The following PTK7 variants were observed in gnomAD, a reference collection of about 807,000 sequenced individuals.
The protein encoded by PTK7 is inactive tyrosine-protein kinase 7.
Under a neutral mutation model 116.6 loss-of-function variants are expected in PTK7, and 39 were observed. The observed-to-expected ratio is 0.33, with a 90% CI of 0.26 to 0.44. PTK7 has a LOEUF of 0.44. Among genes scored for constraint, PTK7 ranks in the 20% least tolerant of loss-of-function variants. The pLI, the probability that PTK7 is intolerant of heterozygous loss-of-function variation, is 1.00. For synonymous variants in PTK7, 546 were observed against 563.6 expected (o/e 0.97, Z 0.44); for missense variants, 1,169 against 1,425.6 (o/e 0.82, Z 2.90).
rs902167535 is a variant in PTK7 at position 43,139,813 on chromosome 6, A to T, written c.1618+288A>T. Reference sequence around the variant, plus strand: ...TTTTCCAAAATAGTTTATCTTTTCCAACATAAAAATTACATGGAGGCCGTG... The same window carrying T: ...TTTTCCAAAATAGTTTATCTTTTCCTACATAAAAATTACATGGAGGCCGTG... On this transcript the variant is annotated intron_variant, in intron 10 of 19. Coordinates refer to ENST00000230419, the MANE Select transcript of PTK7 (RefSeq NM_002821.5). This position sits in a 1 kb window ranked among gnomAD's most constrained non-coding sequence, Gnocchi z 4.6. Among the ~76,000 whole-genome samples the T allele has an allele frequency of 5.9e-5, 9 of 152,226 alleles. No homozygotes were observed. Among genetic ancestry groups the T allele is most frequent in the Admixed American group, 4.6e-4 (7 of 15,282 alleles).
chr6:43,077,435 C>G (rs919126892), intron 1 of PTK7, among the ~76,000 whole-genome samples: 4 of 151,922 alleles, frequency 2.6e-5, no homozygotes, highest in East Asian at 1.9e-4. Context: ...TGGGGGGGGG[C>G]CTTAGCATTT....
At chr6:43,151,248 T>C (rs1289689986) in intron 17 of PTK7, among the ~76,000 whole-genome samples, 1 of 150,480 alleles carries the variant, frequency 6.6e-6, no homozygotes, top group Non-Finnish European at 1.5e-5. Flanking sequence ...TCTCGCTCTG[T>C]CGCCCAAGCT....
chr6:43,124,780 C>T (rs892797658), intron 1 of PTK7, among the ~76,000 whole-genome samples: 44 of 152,346 alleles, frequency 2.9e-4, no homozygotes, highest in African/African-American at 1.0e-3. Flanking sequence ...AACATGGGTG[C>T]CGCAGCACTG....
chr6:43,147,794 A>G (rs1379574189), intron 17 of PTK7, among the ~76,000 whole-genome samples: 1 of 151,994 alleles, frequency 6.6e-6, no homozygotes, highest in Non-Finnish European at 1.5e-5. Context: ...CCACACCCCT[A>G]CCTCCTTCCC....
chr6:43,155,537 G>A (rs144584188), intron 17 of PTK7, among the ~76,000 whole-genome samples: 7,418 of 151,666 alleles, frequency 0.049, 248 homozygotes, highest in Admixed American at 0.083. Flanking sequence ...CCAGCTACTC[G>A]GGAGGTTGAG....
rs1284659654 is a variant in PTK7, at chr6:43,157,339, TATATATATATATATATATATA to T, written c.2722-1477_2722-1457del. Among the ~76,000 whole-genome samples, 29 of 4,082 alleles carry T rather than the reference TATATATATATATATATATATA, an allele frequency of 7.1e-3. 2 individuals carry two copies. Among genetic ancestry groups the T allele is most frequent in the Non-Finnish European group, 0.016 (26 of 1,640 alleles). The allele number at this position is 4,082 out of a possible 152,430, so 2.7% of individuals were successfully genotyped here. On this transcript the variant is annotated intron_variant, in intron 17 of 19. Transcript: ENST00000230419. ...CAGACACACACGCTATATATATATA[TATATATATATATATATATATA>T]TATATTTTTTTTTTTCTTTTTTTTT... is the stretch of plus-strand genomic sequence containing the variant.
At chr6:43,155,288 G>A (rs2150476905) in intron 17 of PTK7, among the ~76,000 whole-genome samples, 1 of 152,148 alleles carries the variant, frequency 6.6e-6, no homozygotes, top group African/African-American at 2.4e-5. Context: ...CTCTTGAGTA[G>A]CTGGGACTAC....
In PTK7 at chr6:43,086,369, C is replaced by T. The variant is rs147737587; in HGVS notation, c.79+9802C>T. On this transcript the variant is annotated intron_variant, in intron 1 of 19. Transcript: ENST00000230419. ...CTCCCTGGGGGTGGTTATGGGGGCC[C>T]GCATGGGCACTATCATGTACAACCT... 3.4e-3 allele frequency among the ~76,000 whole-genome samples: 512 copies of T among 151,478 alleles called. 4 individuals are homozygous for T. The highest frequency in any genetic ancestry group is 0.011 in the African/African-American group (457 of 41,272).
At position 43,129,299 on chromosome 6, in the gene PTK7, T is replaced by C; in HGVS notation, c.367+35T>C. The stretch of plus-strand genomic sequence containing the variant: ...AGGGGGGCTGTGCCCAGTCCCCCTG[T>C]CAGACCCTCAATGACTGAGGCCTGG... On this transcript the variant is annotated intron_variant, in intron 2 of 19. Transcript: ENST00000230419. The surrounding 1 kb of genome is among the most constrained non-coding windows in gnomAD (Gnocchi z 4.5). The C allele has an allele frequency of 6.2e-7, 1 of 1,611,356 alleles. No homozygotes were observed. Among genetic ancestry groups the C allele is most frequent in the Admixed American group, 1.7e-5 (1 of 59,902 alleles).
At chr6:43,131,959 C>T (rs1769706557) in intron 5 of PTK7, 57 bp from the exon 6 acceptor site, 2 of 1,608,402 alleles carry the variant, frequency 1.2e-6, no homozygotes, top group Non-Finnish European at 8.5e-7. Flanking sequence ...CCTTGCATTC[C>T]TTTCCAGAAC....
chr6:43,152,734 TTTATGTTATGTTATG>T (rs59689086), intron 17 of PTK7, among the ~76,000 whole-genome samples: 5,252 of 144,142 alleles, frequency 0.036, 159 homozygotes, highest in African/African-American at 0.075. Context: ...TTTTATTTTA[TTTATGTTATGTTATG>T]TTATGTTATG....
In PTK7 at chr6:43,130,040, G is replaced by T. The variant is rs185465857; in HGVS notation, c.471-190G>T. ...AGCCACATTGTGTGTAGAGCTGGGA[G>T]ATCTAATATCAACTTGATTCTGCCC... is the stretch of plus-strand genomic sequence containing the variant. On this transcript the variant is annotated intron_variant, in intron 3 of 19. Transcript: ENST00000230419. Among the ~76,000 whole-genome samples the T allele has an allele frequency of 6.8e-4, 103 of 152,280 alleles. 1 individual carries two copies. Among genetic ancestry groups the T allele is most frequent in the Admixed American group, 2.6e-3 (39 of 15,288 alleles).
intron 1 of PTK7, among the ~76,000 whole-genome samples, chr6:43,102,393 C>T (rs2150391940): frequency 6.6e-6 from 1 of 152,128 alleles, no homozygotes; most frequent in Non-Finnish European, 1.5e-5. Context: ...CCACTGCACT[C>T]CAGCTTGGGC....
chr6:43,132,400 C>T (rs146569168), intron 6 of PTK7, 21 bp from the exon 7 acceptor site: 4 of 1,545,138 alleles, frequency 2.6e-6, no homozygotes, highest in South Asian at 1.2e-5. Context: ...TGGGCCATTC[C>T]TCCTACTTAT....
chr6:43,102,235 A>G (rs904667193), intron 1 of PTK7, among the ~76,000 whole-genome samples: 1 of 152,014 alleles, frequency 6.6e-6, no homozygotes, highest in Non-Finnish European at 1.5e-5. Flanking sequence ...GACCAGCCCG[A>G]CCAATACAGT....
intron 1 of PTK7, among the ~76,000 whole-genome samples, chr6:43,105,636 A>G (rs762519665): frequency 6.6e-6 from 1 of 152,144 alleles, no homozygotes; most frequent in African/African-American, 2.4e-5. Context: ...CGAATCCTGT[A>G]TGACTGGTGG....
intron 1 of PTK7, among the ~76,000 whole-genome samples, chr6:43,100,179 G>A (rs1365978538): frequency 6.6e-6 from 1 of 151,998 alleles, no homozygotes; most frequent in Non-Finnish European, 1.5e-5. Flanking sequence ...GTCAAGAGAT[G>A]GAGACCATCC....
Position 43,141,660 on chromosome 6 carries a change from C to T in PTK7, c.1619-8C>T, listed in dbSNP as rs1301585798. ...CCTTCCCATAATTTCCCTTTGTTACCCCTGCAGATGGGAGCAGCCTCCCAG... is the reference window on the plus strand; with the variant it reads ...CCTTCCCATAATTTCCCTTTGTTACTCCTGCAGATGGGAGCAGCCTCCCAG... On this transcript the variant is annotated splice_polypyrimidine_tract_variant and splice_region_variant and intron_variant, in intron 10 of 19. Transcript: ENST00000230419. The surrounding 1 kb of genome is among the most constrained non-coding windows in gnomAD (Gnocchi z 4.9). The T allele has an allele frequency of 6.2e-7, 1 of 1,613,188 alleles. No homozygotes were observed. The highest frequency in any genetic ancestry group is 1.7e-5 in the Admixed American group (1 of 59,978).
chr6:43,138,774 G>A (rs1043517740), intron 7 of PTK7, 75 bp from the exon 8 acceptor site: 19 of 1,518,010 alleles, frequency 1.3e-5, no homozygotes, highest in African/African-American at 2.8e-5. Context: ...ATGGTAGTAG[G>A]ATTTCTTGGA....
Sources: gnomAD v4.1 joint callset for allele counts (sites outside exome capture counted in the v4.1 genomes callset) on GRCh38, gnomAD v4.1.1 for gene constraint, Gnocchi (gnomAD v3.1) non-coding constraint, MANE v1.5 for transcripts, NCBI Gene and HGNC (gene_info 2026-07-23, HGNC 2026-07-21) for gene names.